Variants in FGGY observed in about 807,000 individuals in gnomAD.
FGGY encodes the protein FGGY carbohydrate kinase domain containing, also known as FGGY carbohydrate kinase domain-containing protein.
A neutral mutation model predicts 71.3 loss-of-function variants in FGGY; 72 were observed. The ratio of observed to expected loss-of-function variants is 1.01; its 90% CI spans 0.84 to 1.23. The LOEUF (loss-of-function observed/expected upper bound fraction) is 1.23, where lower values mean the gene tolerates loss of function less well. Among genes scored for constraint, FGGY ranks in the 50% most tolerant of loss-of-function variants. FGGY has a pLI of 0.00. For missense variants in FGGY, 668 were observed against 682.3 expected (o/e 0.98, Z 0.23); for synonymous variants, 251 against 250.3 (o/e 1.00, Z -0.02).
chr1:59,419,904 C>T (rs1171465457), intron 5 of FGGY, among the ~76,000 whole-genome samples: 1 of 152,082 alleles, frequency 6.6e-6, no homozygotes, highest in African/African-American at 2.4e-5. Context: ...GCAAACAACT[C>T]TATGGTAAAT....
intron 5 of FGGY, among the ~76,000 whole-genome samples, chr1:59,439,768 AT>A (rs1443040527): frequency 6.6e-6 from 1 of 152,100 alleles, no homozygotes; most frequent in African/African-American, 2.4e-5. Flanking sequence ...CCTAGGCATA[AT>A]TTTCCTTTCC....
At chr1:59,541,771 C>T (rs1250759209) in intron 7 of FGGY, among the ~76,000 whole-genome samples, 3 of 152,072 alleles carry the variant, frequency 2.0e-5, no homozygotes, top group East Asian at 3.9e-4. Flanking sequence ...ATACAGATAA[C>T]ACCATTTCAA....
chr1:59,474,541 G>T lies in FGGY; in HGVS notation c.670+17465G>T, dbSNP rs2093164199. On this transcript the variant is annotated intron_variant, in intron 6 of 15. Transcript: ENST00000303721. The stretch of plus-strand genomic sequence containing the variant: ...TCTCCTGTTTGAGTTTTTTGGCAAT[G>T]TGAGGACATTTAGCCAATCTGGATA... 2.0e-5 allele frequency among the ~76,000 whole-genome samples: 3 copies of T among 152,212 alleles called. No individual in the cohort carries two copies. In the South Asian group the frequency reaches 6.2e-4, roughly 32 times the overall value.
intron 5 of FGGY, among the ~76,000 whole-genome samples, chr1:59,405,893 A>T (rs1362436248): frequency 1.3e-5 from 2 of 148,530 alleles, no homozygotes; most frequent in African/African-American, 4.9e-5. Flanking sequence ...AAATTATTCT[A>T]CTTCTTAGTG....
chr1:59,422,441 C>T (rs554896679), intron 5 of FGGY, among the ~76,000 whole-genome samples: 48 of 152,108 alleles, frequency 3.2e-4, no homozygotes, highest in Non-Finnish European at 6.3e-4. Context: ...CGCCAGTAGT[C>T]CCAGCAACTT....
intron 1 of FGGY, among the ~76,000 whole-genome samples, chr1:59,298,778 C>T (rs1171148590): frequency 6.6e-6 from 1 of 152,190 alleles, no homozygotes; most frequent in African/African-American, 2.4e-5. Flanking sequence ...TTTACCAGAA[C>T]GTGCTACAGA....
At chr1:59,393,931 A>G (rs1233003779) in intron 5 of FGGY, among the ~76,000 whole-genome samples, 1 of 152,182 alleles carries the variant, frequency 6.6e-6, no homozygotes, top group Non-Finnish European at 1.5e-5. Flanking sequence ...TCATATTACA[A>G]TCACTTCTTT....
At chr1:59,420,177 G>T (rs1163046093) in intron 5 of FGGY, among the ~76,000 whole-genome samples, 2 of 150,988 alleles carry the variant, frequency 1.3e-5, no homozygotes, top group African/African-American at 4.9e-5. Context: ...GGAAATAAAT[G>T]AACATCTCAT....
At chr1:59,601,876 G>C (rs937112973) in intron 8 of FGGY, among the ~76,000 whole-genome samples, 6 of 152,184 alleles carry the variant, frequency 3.9e-5, no homozygotes, top group Non-Finnish European at 8.8e-5. Context: ...TCATGAAGTT[G>C]ACAGAAAAAC....
At chr1:59,353,189 G>A (rs1318663225) in intron 4 of FGGY, among the ~76,000 whole-genome samples, 2 of 152,156 alleles carry the variant, frequency 1.3e-5, no homozygotes, top group African/African-American at 4.8e-5. Flanking sequence ...GAGGACAATA[G>A]TATCAGTCTT....
intron 4 of FGGY, among the ~76,000 whole-genome samples, chr1:59,371,311 G>A (rs969702487): frequency 6.6e-6 from 1 of 152,064 alleles, no homozygotes; most frequent in Non-Finnish European, 1.5e-5. Context: ...AGACAAAGAA[G>A]GCCATTACAT....
chr1:59,753,975 G>A (rs1288617149), intron 14 of FGGY, among the ~76,000 whole-genome samples: 1 of 152,116 alleles, frequency 6.6e-6, no homozygotes, highest in South Asian at 2.1e-4. Flanking sequence ...AAATATCAAA[G>A]AATATGTAAA....
chr1:59,335,278 G>A (rs1454628359), intron 2 of FGGY, among the ~76,000 whole-genome samples: 1 of 152,082 alleles, frequency 6.6e-6, no homozygotes, highest in Non-Finnish European at 1.5e-5. Flanking sequence ...GTTCTTTTTA[G>A]AAATTTTATA....
At chr1:59,573,677 C>T (rs1363284533) in intron 8 of FGGY, among the ~76,000 whole-genome samples, 1 of 152,146 alleles carries the variant, frequency 6.6e-6, no homozygotes, top group Non-Finnish European at 1.5e-5. Context: ...GAAGGCCATG[C>T]TTATATTTGG....
intron 5 of FGGY, among the ~76,000 whole-genome samples, chr1:59,434,895 A>G (rs1425639685): frequency 1.3e-5 from 2 of 152,186 alleles, no homozygotes; most frequent in Non-Finnish European, 2.9e-5. Context: ...ATTCACAGTT[A>G]CACATTTTGA....
chr1:59,493,096 AACACAC>A lies in FGGY; in HGVS notation c.671-19185_671-19180del, dbSNP rs3035371. ...TAGGATGGCTACTATTACCAAACAA[AACACAC>A]ACACACACACACACACACACACACA... On this transcript the variant is annotated intron_variant, in intron 6 of 15. Coordinates refer to ENST00000303721, the MANE Select transcript of FGGY (RefSeq NM_018291.5). 5.3e-3 allele frequency among the ~76,000 whole-genome samples: 753 copies of A among 143,112 alleles called. 4 individuals carry two copies. Among genetic ancestry groups the A allele is most frequent in the African/African-American group, 0.018 (713 of 38,546 alleles). 93.9% of individuals were successfully genotyped at this position (143,112 alleles called of 152,430 possible). A position where few individuals can be genotyped will look rare whatever the true frequency, so the allele number is the denominator to read the frequency against.
At chr1:59,471,499 C>T (rs569635150) in intron 6 of FGGY, among the ~76,000 whole-genome samples, 2 of 152,304 alleles carry the variant, frequency 1.3e-5, no homozygotes, top group African/African-American at 2.4e-5. Context: ...TCTTATTATC[C>T]TTCTCTTCCC....
At chr1:59,507,180 G>T (rs1189997106) in intron 6 of FGGY, among the ~76,000 whole-genome samples, 1 of 152,220 alleles carries the variant, frequency 6.6e-6, no homozygotes, top group Non-Finnish European at 1.5e-5. Context: ...CAGCTGGATT[G>T]GGTACAGCTC....
chr1:59,614,066 G>A (rs1366881702), intron 9 of FGGY, among the ~76,000 whole-genome samples: 1 of 152,074 alleles, frequency 6.6e-6, no homozygotes, highest in Non-Finnish European at 1.5e-5. Flanking sequence ...TTCTACCAGA[G>A]GTACAAGGAG....
Sources: allele counts gnomAD v4.1 joint callset (sites outside exome capture counted in the v4.1 genomes callset), GRCh38; gene constraint gnomAD v4.1.1; transcripts MANE v1.5; gene names NCBI Gene and HGNC (gene_info 2026-07-23, HGNC 2026-07-21).